Variants in PLCB1 observed in about 807,000 individuals in gnomAD.
PLCB1 encodes the protein 1-phosphatidylinositol 4,5-bisphosphate phosphodiesterase beta-1.
In PLCB1, 46 loss-of-function variants were observed where a neutral mutation model predicts 161.8. That is an observed-to-expected ratio of 0.28 (90% CI 0.22 to 0.36). The LOEUF is 0.36. Among genes scored for constraint, PLCB1 ranks in the 10% least tolerant of loss-of-function variants. The pLI is 1.00. For missense variants in PLCB1, 1,016 were observed against 1,472.5 expected (o/e 0.69, Z 5.07); for synonymous variants, 517 against 503.7 (o/e 1.03, Z -0.35).
intron 31 of PLCB1, among the ~76,000 whole-genome samples, chr20:8,822,086 T>C (rs1343756894): frequency 6.6e-6 from 1 of 152,138 alleles, no homozygotes; most frequent in African/African-American, 2.4e-5. Context: ...TATCTTATTC[T>C]TGTGATTACT....
chr20:8,236,707 CA>C (rs1980347117), intron 2 of PLCB1, among the ~76,000 whole-genome samples: 2 of 151,948 alleles, frequency 1.3e-5, no homozygotes, highest in Admixed American at 6.6e-5. Flanking sequence ...CCGAACCAAA[CA>C]AACTGGAATA....
At chr20:8,701,540 G>A (rs1233041530) in intron 11 of PLCB1, among the ~76,000 whole-genome samples, 1 of 152,108 alleles carries the variant, frequency 6.6e-6, no homozygotes, top group Non-Finnish European at 1.5e-5. Context: ...TTTTAGTAAT[G>A]TATTTTCCTA....
intron 3 of PLCB1, among the ~76,000 whole-genome samples, chr20:8,508,687 A>G (rs1459827546): frequency 6.6e-6 from 1 of 152,216 alleles, no homozygotes; most frequent in Admixed American, 6.5e-5. Context: ...GGAGTTCACT[A>G]TAAGTAGGAG....
intron 31 of PLCB1, among the ~76,000 whole-genome samples, chr20:8,835,452 T>C (rs918360232): frequency 5.3e-5 from 8 of 152,134 alleles, no homozygotes; most frequent in African/African-American, 1.4e-4. Flanking sequence ...TTATTTTAAG[T>C]CCCTAACCAC....
intron 2 of PLCB1, among the ~76,000 whole-genome samples, chr20:8,250,242 T>C (rs1469543239): frequency 2.0e-5 from 3 of 151,952 alleles, no homozygotes; most frequent in Non-Finnish European, 4.4e-5. Flanking sequence ...CTTAAAAGAA[T>C]GCTTTCAAGG....
chr20:8,478,883 T>C (rs756857887), intron 3 of PLCB1, among the ~76,000 whole-genome samples: 1,702 of 152,296 alleles, frequency 0.011, 30 homozygotes, highest in African/African-American at 0.037. Context: ...TGCTCAAAAT[T>C]ACTTTGATGT....
chr20:8,476,038 G>T lies in PLCB1; in HGVS notation c.246+104588G>T, dbSNP rs907113026. ...AGACTCCAGGGATGCAGATGTCATT[G>T]CTCTGTGCTCTTAAATGTGGAGTTT... On this transcript the variant is annotated intron_variant, in intron 3 of 31. Coordinates refer to ENST00000338037, the MANE Select transcript of PLCB1 (RefSeq NM_015192.4). Among the ~76,000 whole-genome samples the T allele has an allele frequency of 2.0e-5, 3 of 152,272 alleles. No homozygotes were observed. In the East Asian group the frequency reaches 5.8e-4, roughly 29 times the overall value.
At chr20:8,656,154 C>T (rs1039169978) in intron 7 of PLCB1, among the ~76,000 whole-genome samples, 4 of 151,922 alleles carry the variant, frequency 2.6e-5, no homozygotes, top group African/African-American at 9.7e-5. Flanking sequence ...ATGTATTGTT[C>T]GGTTGTCTCA....
At chr20:8,352,312 G>T (rs1182402880) in intron 2 of PLCB1, among the ~76,000 whole-genome samples, 1 of 152,038 alleles carries the variant, frequency 6.6e-6, no homozygotes, top group African/African-American at 2.4e-5. Context: ...CAGATTAGTG[G>T]TTACTAGGGG....
At chr20:8,668,685 T>C (rs960861389) in intron 9 of PLCB1, among the ~76,000 whole-genome samples, 4 of 152,200 alleles carry the variant, frequency 2.6e-5, no homozygotes, top group Non-Finnish European at 4.4e-5. Flanking sequence ...TGTTGGAGGA[T>C]GCTCTTAGAA....
chr20:8,193,736 C>T (rs2051994700), intron 2 of PLCB1, among the ~76,000 whole-genome samples: 1 of 151,922 alleles, frequency 6.6e-6, no homozygotes, highest in Non-Finnish European at 1.5e-5. Context: ...TAATTTTCTA[C>T]CCTAACATTT....
intron 2 of PLCB1, among the ~76,000 whole-genome samples, chr20:8,315,167 G>A (rs1417719292): frequency 6.6e-6 from 1 of 152,176 alleles, no homozygotes; most frequent in Non-Finnish European, 1.5e-5. Context: ...GACTAAGCAG[G>A]GATCCTGTAG....
chr20:8,697,520 C>A, intron 10 of PLCB1, 106 bp from the exon 11 acceptor site: 2 of 1,114,552 alleles, frequency 1.8e-6, no homozygotes, highest in South Asian at 1.5e-5. Flanking sequence ...ACTGCTGCAG[C>A]TCTTAGACTC....
At chr20:8,645,976 A>G in intron 4 of PLCB1, 126 bp from the exon 5 acceptor site, 1 of 627,302 alleles carries the variant, frequency 1.6e-6, no homozygotes, top group Non-Finnish European at 2.8e-6. Context: ...TAATAATACA[A>G]AACAAAACAA....
chr20:8,547,866 T>C (rs1568503172), intron 3 of PLCB1, among the ~76,000 whole-genome samples: 1 of 152,218 alleles, frequency 6.6e-6, no homozygotes, highest in African/African-American at 2.4e-5. Flanking sequence ...CTACATGCTC[T>C]AGCCCCACTC....
intron 4 of PLCB1, among the ~76,000 whole-genome samples, chr20:8,640,876 C>G (rs1167986760): frequency 1.3e-5 from 2 of 152,058 alleles, no homozygotes; most frequent in African/African-American, 4.8e-5. Flanking sequence ...TAATTTTTCC[C>G]GTGGAAGAAT....
At chr20:8,478,957 C>A (rs950860245) in intron 3 of PLCB1, among the ~76,000 whole-genome samples, 13 of 152,258 alleles carry the variant, frequency 8.5e-5, no homozygotes, top group African/African-American at 3.1e-4. Context: ...GTTTTACAGT[C>A]TGGCTGTTAA....
intron 3 of PLCB1, among the ~76,000 whole-genome samples, chr20:8,463,483 T>C (rs989249465): frequency 6.6e-6 from 1 of 152,162 alleles, no homozygotes; most frequent in Admixed American, 6.6e-5. Context: ...AAAAGAATCA[T>C]ACTGAACAAA....
At chr20:8,392,767 T>C (rs745567147) in intron 3 of PLCB1, among the ~76,000 whole-genome samples, 3 of 152,178 alleles carry the variant, frequency 2.0e-5, no homozygotes, top group Non-Finnish European at 4.4e-5. Context: ...CTTCTTTGAA[T>C]GGGAAATGGC....
Sources: gnomAD v4.1 joint callset for allele counts (sites outside exome capture counted in the v4.1 genomes callset) on GRCh38, gnomAD v4.1.1 for gene constraint, MANE v1.5 for transcripts, NCBI Gene and HGNC (gene_info 2026-07-23, HGNC 2026-07-21) for gene names.